TTLL11: variants seen among roughly 807,000 people sequenced by gnomAD.
The protein encoded by TTLL11 is tubulin tyrosine ligase like 11, also known as tubulin polyglutamylase TTLL11.
In TTLL11, 42 loss-of-function variants were observed where a neutral mutation model predicts 51.7. The ratio of observed to expected loss-of-function variants is 0.81; its 90% CI spans 0.64 to 1.05. The LOEUF is 1.05. Ranked by LOEUF, TTLL11 falls within the 50% of genes least tolerant of loss-of-function variation. The pLI, the probability that TTLL11 is intolerant of heterozygous loss-of-function variation, is 0.00. For synonymous variants in TTLL11, 381 were observed against 383.5 expected (o/e 0.99, Z 0.08); for missense variants, 799 against 940.4 (o/e 0.85, Z 1.97).
At chr9:121,868,366 C>T (rs1322700789) in intron 7 of TTLL11, among the ~76,000 whole-genome samples, 1 of 152,154 alleles carries the variant, frequency 6.6e-6, no homozygotes, top group Non-Finnish European at 1.5e-5. Context: ...GCACTATGCA[C>T]AGTTAGAATA....
At chr9:121,855,044 T>C (rs1397489640) in intron 8 of TTLL11, among the ~76,000 whole-genome samples, 1 of 152,160 alleles carries the variant, frequency 6.6e-6, no homozygotes, top group African/African-American at 2.4e-5. Flanking sequence ...GGCAAGCCCA[T>C]TTGGGGAATG....
At chr9:122,060,388 G>C (rs899366540) in intron 1 of TTLL11, among the ~76,000 whole-genome samples, 1 of 152,224 alleles carries the variant, frequency 6.6e-6, no homozygotes, top group Admixed American at 6.5e-5. Flanking sequence ...TGCTCTAGGA[G>C]AAAAGGTTAG....
At chr9:121,936,678 G>T (rs1328209963) in intron 6 of TTLL11, among the ~76,000 whole-genome samples, 1 of 152,144 alleles carries the variant, frequency 6.6e-6, no homozygotes. Context: ...GGAATACAAA[G>T]AAAAGCTTAA....
intron 6 of TTLL11, among the ~76,000 whole-genome samples, chr9:121,922,033 G>A (rs1446487759): frequency 2.0e-5 from 3 of 152,100 alleles, no homozygotes; most frequent in South Asian, 2.1e-4. Context: ...ACAACCTGGC[G>A]ACTGGTCAGC....
chr9:122,002,263 A>T (rs1843491543), intron 3 of TTLL11, among the ~76,000 whole-genome samples: 1 of 152,194 alleles, frequency 6.6e-6, no homozygotes, highest in Non-Finnish European at 1.5e-5. Context: ...AGAGAGGGAC[A>T]CTGAAGGCAG....
At chr9:122,063,585 A>C (rs1305883748) in intron 1 of TTLL11, among the ~76,000 whole-genome samples, 1 of 152,238 alleles carries the variant, frequency 6.6e-6, no homozygotes, top group African/African-American at 2.4e-5. Flanking sequence ...TAGTGGCTTT[A>C]AAGCAAAATT....
chr9:121,935,209 G>A (rs951225824), intron 6 of TTLL11, among the ~76,000 whole-genome samples: 1 of 151,766 alleles, frequency 6.6e-6, no homozygotes, highest in Admixed American at 6.6e-5. Context: ...CGCCCGCCTC[G>A]GCCTCCCAAA....
chr9:121,873,016 G>A (rs555349370), intron 6 of TTLL11, among the ~76,000 whole-genome samples: 50 of 152,194 alleles, frequency 3.3e-4, no homozygotes, highest in Non-Finnish European at 6.5e-4. Flanking sequence ...GAAAAAAGGC[G>A]ACACTTTTAC....
intron 7 of TTLL11, among the ~76,000 whole-genome samples, chr9:121,863,057 C>T (rs958269784): frequency 1.3e-5 from 2 of 152,140 alleles, no homozygotes; most frequent in African/African-American, 4.8e-5. Context: ...CCCTTTCTTT[C>T]TTCCCGCCTG....
chr9:121,843,917 T>G (rs1225356090), intron 8 of TTLL11, among the ~76,000 whole-genome samples: 1 of 152,180 alleles, frequency 6.6e-6, no homozygotes, highest in Non-Finnish European at 1.5e-5. Context: ...CACATGATCT[T>G]CCTGCCTCAG....
At chr9:121,992,726 G>C (rs1396697022) in intron 3 of TTLL11, among the ~76,000 whole-genome samples, 2 of 152,200 alleles carry the variant, frequency 1.3e-5, no homozygotes, top group Admixed American at 1.3e-4. Context: ...ATGGCTGAAA[G>C]AGATACACAG....
chr9:121,878,271 A>G (rs532442901), intron 6 of TTLL11, among the ~76,000 whole-genome samples: 3 of 152,302 alleles, frequency 2.0e-5, no homozygotes, highest in South Asian at 4.1e-4. Flanking sequence ...ACAAAGCATC[A>G]AGATGAATCT....
intron 1 of TTLL11, among the ~76,000 whole-genome samples, chr9:122,055,361 T>C (rs376601238): frequency 2.0e-5 from 3 of 152,158 alleles, no homozygotes; most frequent in Non-Finnish European, 2.9e-5. Flanking sequence ...TGGAATCCGA[T>C]GTTCAAAGGC....
At chr9:121,914,631 C>T (rs1288719109) in intron 6 of TTLL11, among the ~76,000 whole-genome samples, 2 of 152,186 alleles carry the variant, frequency 1.3e-5, no homozygotes, top group African/African-American at 4.8e-5. Flanking sequence ...TGAAGAGCCT[C>T]AAGAGCACCC....
chr9:121,912,594 T>G (rs916833405), intron 6 of TTLL11, among the ~76,000 whole-genome samples: 7 of 152,118 alleles, frequency 4.6e-5, no homozygotes, highest in African/African-American at 1.7e-4. Flanking sequence ...ACATCCACTG[T>G]TGAACTTGTC....
At chr9:122,027,279 C>T (rs1844375592) in intron 3 of TTLL11, among the ~76,000 whole-genome samples, 1 of 152,162 alleles carries the variant, frequency 6.6e-6, no homozygotes, top group African/African-American at 2.4e-5. Context: ...GGCCTCACCT[C>T]CAACACAGGG....
intron 6 of TTLL11, among the ~76,000 whole-genome samples, chr9:121,922,276 G>A (rs1173324319): frequency 6.6e-6 from 1 of 152,168 alleles, no homozygotes; most frequent in Admixed American, 6.5e-5. Flanking sequence ...TTTAATATAA[G>A]TATGTTGTTG....
At chr9:121,956,880 T>A (rs774368602) in intron 6 of TTLL11, among the ~76,000 whole-genome samples, 2 of 152,238 alleles carry the variant, frequency 1.3e-5, no homozygotes, top group Non-Finnish European at 2.9e-5. Flanking sequence ...CTGTCCTTAC[T>A]CAGCTGCAGG....
chr9:121,933,269 A>G (rs1841063971), intron 6 of TTLL11, among the ~76,000 whole-genome samples: 1 of 152,212 alleles, frequency 6.6e-6, no homozygotes, highest in Non-Finnish European at 1.5e-5. Context: ...GCCGGGAAAG[A>G]GAACGCTCTC....
Sources: gnomAD v4.1 joint callset for allele counts (sites outside exome capture counted in the v4.1 genomes callset) on GRCh38, gnomAD v4.1.1 for gene constraint, MANE v1.5 for transcripts, NCBI Gene and HGNC (gene_info 2026-07-23, HGNC 2026-07-21) for gene names.